The following ZNF385D variants were observed in gnomAD, a reference collection of about 807,000 sequenced individuals.
ZNF385D encodes the protein zinc finger protein 659.
A neutral mutation model predicts 35.8 loss-of-function variants in ZNF385D; 15 were observed. The ratio of observed to expected loss-of-function variants is 0.42; its 90% CI spans 0.28 to 0.64. The LOEUF is 0.64. ZNF385D is among the 30% of genes least tolerant of loss of function. ZNF385D has a pLI of 0.23. For missense variants in ZNF385D, 474 were observed against 494.6 expected, an observed-to-expected ratio of 0.96 and a Z score of 0.39; for synonymous variants, 212 against 186.8, an observed-to-expected ratio of 1.13 and a Z score of -1.10.
At chr3:21,475,457 T>G (rs1274637603) in intron 4 of ZNF385D, among the ~76,000 whole-genome samples, 6 of 152,134 alleles carry the variant, frequency 3.9e-5, no homozygotes, top group African/African-American at 1.4e-4. Flanking sequence ...TGAGAAATTT[T>G]GGGATTCGAT....
chr3:21,530,122 G>A (rs1046123583), intron 3 of ZNF385D, among the ~76,000 whole-genome samples: 2 of 152,138 alleles, frequency 1.3e-5, no homozygotes, highest in East Asian at 3.9e-4. Context: ...CTCTTGCCAT[G>A]TGACATGCCC....
chr3:21,759,572 G>A (rs2070507910), intron 3 of ZNF385D, among the ~76,000 whole-genome samples: 1 of 152,098 alleles, frequency 6.6e-6, no homozygotes, highest in African/African-American at 2.4e-5. Flanking sequence ...GACATTTGGT[G>A]ACACAATAAC....
At chr3:21,664,242 C>A (rs1178167553) in intron 2 of ZNF385D, among the ~76,000 whole-genome samples, 1 of 151,890 alleles carries the variant, frequency 6.6e-6, no homozygotes, top group Non-Finnish European at 1.5e-5. Context: ...TGCCAACTTA[C>A]AAAAAGACGT....
At chr3:21,787,349 T>G (rs941272227) in intron 3 of ZNF385D, among the ~76,000 whole-genome samples, 5 of 152,102 alleles carry the variant, frequency 3.3e-5, no homozygotes, top group Admixed American at 6.5e-5. Flanking sequence ...AGTGGGAACA[T>G]GGGCACAAAG....
chr3:21,644,550 C>G (rs763776943), intron 2 of ZNF385D, among the ~76,000 whole-genome samples: 2 of 152,178 alleles, frequency 1.3e-5, no homozygotes, highest in Non-Finnish European at 2.9e-5. Context: ...AAACTCCACA[C>G]AGTGGCCCTG....
chr3:21,615,412 G>T (rs191660303), intron 2 of ZNF385D, among the ~76,000 whole-genome samples: 149 of 152,186 alleles, frequency 9.8e-4, no homozygotes, highest in Non-Finnish European at 1.9e-3. Flanking sequence ...AATTACCCAG[G>T]CTCAGGTATT....
intron 2 of ZNF385D, among the ~76,000 whole-genome samples, chr3:21,570,590 T>G (rs2063306131): frequency 6.6e-6 from 1 of 152,206 alleles, no homozygotes; most frequent in Non-Finnish European, 1.5e-5. Flanking sequence ...GGTATTTGTA[T>G]GTAATAATGT....
chr3:21,589,919 T>C (rs1252230461), intron 2 of ZNF385D, among the ~76,000 whole-genome samples: 5 of 152,156 alleles, frequency 3.3e-5, no homozygotes, highest in African/African-American at 7.2e-5. Flanking sequence ...TAGCACTCTT[T>C]GGTAACTTCT....
chr3:21,622,761 A>G (rs1295404516), intron 2 of ZNF385D, among the ~76,000 whole-genome samples: 1 of 152,038 alleles, frequency 6.6e-6, no homozygotes, highest in Non-Finnish European at 1.5e-5. Flanking sequence ...TTAATCATCA[A>G]TTTATTTGAT....
intron 2 of ZNF385D, among the ~76,000 whole-genome samples, chr3:21,617,169 T>C (rs2064872659): frequency 1.3e-5 from 2 of 152,218 alleles, no homozygotes; most frequent in African/African-American, 4.8e-5. Context: ...CTGTAGCCAC[T>C]AAAGGTACAA....
chr3:22,202,811 G>A (rs1527634), intron 2 of ZNF385D, among the ~76,000 whole-genome samples: 92,131 of 151,988 alleles, frequency 0.61, 30,359 homozygotes, highest in African/African-American at 0.87. Flanking sequence ...ACTGAGCAGA[G>A]CTCATCTGGT....
chr3:21,497,910 G>C (rs1484253927), intron 4 of ZNF385D, among the ~76,000 whole-genome samples: 1 of 151,832 alleles, frequency 6.6e-6, no homozygotes, highest in East Asian at 1.9e-4. Flanking sequence ...AACCCAAATA[G>C]CCAAAGCAAT....
chr3:22,265,293 T>C (rs550942544), intron 2 of ZNF385D, among the ~76,000 whole-genome samples: 3 of 151,950 alleles, frequency 2.0e-5, no homozygotes, highest in Non-Finnish European at 4.4e-5. Flanking sequence ...GCTAAGAACA[T>C]TTAAGATTTT....
intron 3 of ZNF385D, among the ~76,000 whole-genome samples, chr3:21,951,356 T>C (rs1384991356): frequency 6.6e-6 from 1 of 151,538 alleles, no homozygotes; most frequent in Non-Finnish European, 1.5e-5. Context: ...TTGTCTATTA[T>C]TGGTGTATAG....
intron 3 of ZNF385D, among the ~76,000 whole-genome samples, chr3:21,808,035 T>C (rs992724805): frequency 1.3e-5 from 2 of 152,214 alleles, no homozygotes; most frequent in Non-Finnish European, 2.9e-5. Context: ...CTAAGTAGTA[T>C]AGATTTTACT....
intron 4 of ZNF385D, among the ~76,000 whole-genome samples, chr3:21,480,327 T>G (rs1374042174): frequency 6.6e-6 from 1 of 152,080 alleles, no homozygotes; most frequent in African/African-American, 2.4e-5. Context: ...GATCTCGAAC[T>G]CCTGACCTCA....
intron 3 of ZNF385D, among the ~76,000 whole-genome samples, chr3:21,895,345 T>TTTTAAG (rs869185529): frequency 7.0e-6 from 1 of 143,184 alleles, no homozygotes; most frequent in Non-Finnish European, 1.5e-5. Flanking sequence ...TTTTTTTTTT[T>TTTTAAG]AAGACAGAGT....
intron 2 of ZNF385D, among the ~76,000 whole-genome samples, chr3:21,574,435 T>A (rs1045172711): frequency 1.1e-4 from 16 of 152,282 alleles, no homozygotes; most frequent in African/African-American, 3.9e-4. Flanking sequence ...TAGCAGCCAC[T>A]TCAAACAATA....
At chr3:22,273,528 A>T (rs956344944) in intron 2 of ZNF385D, among the ~76,000 whole-genome samples, 1 of 151,970 alleles carries the variant, frequency 6.6e-6, no homozygotes, top group African/African-American at 2.4e-5. Context: ...AGCCCTCATA[A>T]CAAAAAATTA....
Sources: allele counts gnomAD v4.1 joint callset (sites outside exome capture counted in the v4.1 genomes callset), GRCh38; gene constraint gnomAD v4.1.1; transcripts MANE v1.5; gene names NCBI Gene and HGNC (gene_info 2026-07-23, HGNC 2026-07-21).